ZBTB7C: variants seen among roughly 807,000 people sequenced by gnomAD.
ZBTB7C encodes the protein zinc finger and BTB domain containing 7C.
In ZBTB7C, 8 loss-of-function variants were observed where a neutral mutation model predicts 25.7. The ratio of observed to expected loss-of-function variants is 0.31; its 90% CI spans 0.18 to 0.56. The LOEUF is 0.56. Ranked by LOEUF, ZBTB7C falls within the 20% of genes least tolerant of loss-of-function variation. The probability of loss-of-function intolerance (pLI) is 0.91; values close to 1 mark genes in which losing one functional copy is unlikely to be tolerated. For synonymous variants in ZBTB7C, 394 were observed against 369.0 expected, an observed-to-expected ratio of 1.07 and a Z score of -0.78; for missense variants, 824 against 855.2, an observed-to-expected ratio of 0.96 and a Z score of 0.46.
chr18:48,315,354 AG>A (rs1449275536), intron 2 of ZBTB7C, among the ~76,000 whole-genome samples: 1 of 152,204 alleles, frequency 6.6e-6, no homozygotes, highest in East Asian at 1.9e-4. Context: ...TCTGTGATCT[AG>A]TGAGGAAAGC....
intron 2 of ZBTB7C, among the ~76,000 whole-genome samples, chr18:48,334,478 C>G (rs140666543): frequency 6.6e-6 from 1 of 152,280 alleles, no homozygotes; most frequent in East Asian, 1.9e-4. Context: ...CCCGAAAACA[C>G]CCCCAGGTAG....
chr18:48,062,338 C>T (rs1313847817), intron 3 of ZBTB7C, among the ~76,000 whole-genome samples: 1 of 151,992 alleles, frequency 6.6e-6, no homozygotes, highest in Non-Finnish European at 1.5e-5. Flanking sequence ...CAGGGAGGAC[C>T]TGGATTAGCT....
At chr18:48,277,351 C>T (rs1477680907) in intron 2 of ZBTB7C, among the ~76,000 whole-genome samples, 1 of 150,288 alleles carries the variant, frequency 6.7e-6, no homozygotes, top group Non-Finnish European at 1.5e-5. Context: ...TGAACAGACA[C>T]TTCTCAAAAG....
At chr18:48,289,073 C>T (rs547042561) in intron 2 of ZBTB7C, among the ~76,000 whole-genome samples, 32 of 152,260 alleles carry the variant, frequency 2.1e-4, no homozygotes, top group African/African-American at 7.5e-4. Context: ...CTATGCACAA[C>T]GCGAAACCAC....
At chr18:48,296,690 A>G (rs769762769) in intron 2 of ZBTB7C, among the ~76,000 whole-genome samples, 3 of 152,158 alleles carry the variant, frequency 2.0e-5, no homozygotes, top group Non-Finnish European at 4.4e-5. Flanking sequence ...TGTCTAGAGC[A>G]GGGGTCCCCA....
At chr18:48,200,559 C>A (rs1383895030) in intron 2 of ZBTB7C, among the ~76,000 whole-genome samples, 1 of 152,252 alleles carries the variant, frequency 6.6e-6, no homozygotes, top group Admixed American at 6.5e-5. Context: ...CCTGTTATTG[C>A]AGTTTTCTCA....
Position 48,026,860 on chromosome 18 carries a change from G to A in ZBTB7C, c.*2400C>T, listed in dbSNP as rs1173749933. On this transcript the variant is annotated 3_prime_UTR_variant, in exon 5 of 5. Transcript: ENST00000590800. ...GAACTTTCAGAAGTCACATCTCACA[G>A]AAGTGCAACTCTCAATATAATTTAA... 1.3e-5 allele frequency: 2 copies of A among 151,560 alleles called. No homozygotes were observed. The highest frequency in any genetic ancestry group is 2.4e-5 in the African/African-American group (1 of 41,174). The allele number at this position is 151,560 out of a possible 1,614,324, so 9.4% of individuals were successfully genotyped here. A position where few individuals can be genotyped will look rare whatever the true frequency, so the allele number is the denominator to read the frequency against.
intron 3 of ZBTB7C, among the ~76,000 whole-genome samples, chr18:48,171,971 T>C (rs2041497797): frequency 6.6e-6 from 1 of 152,196 alleles, no homozygotes; most frequent in Non-Finnish European, 1.5e-5. Context: ...TCCACGCATT[T>C]GGGGATTTCA....
intron 2 of ZBTB7C, among the ~76,000 whole-genome samples, chr18:48,317,868 G>T (rs1001102826): frequency 2.6e-5 from 4 of 152,006 alleles, no homozygotes; most frequent in African/African-American, 9.6e-5. Flanking sequence ...GTGGGCCAGG[G>T]CATCAGAATT....
chr18:48,141,624 G>A (rs1028243885), intron 3 of ZBTB7C, among the ~76,000 whole-genome samples: 1 of 152,178 alleles, frequency 6.6e-6, no homozygotes, highest in South Asian at 2.1e-4. Flanking sequence ...ATGGTGTCAC[G>A]GTGGCGTGGG....
intron 3 of ZBTB7C, among the ~76,000 whole-genome samples, chr18:48,107,797 G>A (rs2039087162): frequency 6.6e-6 from 1 of 152,160 alleles, no homozygotes; most frequent in Non-Finnish European, 1.5e-5. Context: ...CTCAAGTGCT[G>A]AGATGGCGCC....
At chr18:48,333,158 G>T (rs1159632314) in intron 2 of ZBTB7C, among the ~76,000 whole-genome samples, 2 of 152,012 alleles carry the variant, frequency 1.3e-5, no homozygotes, top group Non-Finnish European at 2.9e-5. Context: ...TTTATCAGAA[G>T]AATCATGAAA....
At chr18:48,197,439 C>T (rs2042343836) in intron 2 of ZBTB7C, among the ~76,000 whole-genome samples, 1 of 152,226 alleles carries the variant, frequency 6.6e-6, no homozygotes, top group African/African-American at 2.4e-5. Context: ...TGAGCCCCAA[C>T]TCCCAGAGAT....
At chr18:48,228,154 G>A (rs572507363) in intron 2 of ZBTB7C, among the ~76,000 whole-genome samples, 15 of 152,252 alleles carry the variant, frequency 9.9e-5, no homozygotes, top group African/African-American at 3.4e-4. Context: ...TCCCGAGCTG[G>A]GGAGACAGGA....
intron 2 of ZBTB7C, among the ~76,000 whole-genome samples, chr18:48,290,534 G>A (rs562029810): frequency 1.4e-4 from 22 of 152,354 alleles, no homozygotes; most frequent in African/African-American, 5.3e-4. Context: ...ATCCTGGGGA[G>A]CTAAGCAGAA....
intron 2 of ZBTB7C, among the ~76,000 whole-genome samples, chr18:48,303,293 A>G (rs758498328): frequency 1.3e-5 from 2 of 152,248 alleles, no homozygotes; most frequent in Non-Finnish European, 2.9e-5. Context: ...GCAGGCAGTG[A>G]TCCCTGAGAA....
At chr18:48,352,527 T>A (rs2046889035) in intron 1 of ZBTB7C, among the ~76,000 whole-genome samples, 1 of 152,142 alleles carries the variant, frequency 6.6e-6, no homozygotes, top group African/African-American at 2.4e-5. Context: ...CCTGTGGTCC[T>A]CTTCATCTGC....
chr18:48,195,392 T>C (rs1378663377), intron 2 of ZBTB7C, among the ~76,000 whole-genome samples: 1 of 152,194 alleles, frequency 6.6e-6, no homozygotes, highest in East Asian at 1.9e-4. Context: ...CTCGTGATAG[T>C]GAATACGTCT....
intron 3 of ZBTB7C, among the ~76,000 whole-genome samples, chr18:48,153,050 G>C (rs2040725991): frequency 6.6e-6 from 1 of 152,230 alleles, no homozygotes; most frequent in Admixed American, 6.5e-5. Context: ...TGCCCTTTGA[G>C]AGCAGTGATG....
Sources: allele counts gnomAD v4.1 joint callset (sites outside exome capture counted in the v4.1 genomes callset), GRCh38; gene constraint gnomAD v4.1.1; transcripts MANE v1.5; gene names NCBI Gene and HGNC (gene_info 2026-07-23, HGNC 2026-07-21).